Variants in E2F3 observed in about 807,000 individuals in gnomAD.
The protein encoded by E2F3 is transcription factor E2F3.
Under a neutral mutation model 44.4 loss-of-function variants are expected in E2F3, and 11 were observed. The observed-to-expected ratio is 0.25, with a 90% CI of 0.16 to 0.41. The LOEUF (loss-of-function observed/expected upper bound fraction) is 0.41. Among genes scored for constraint, E2F3 ranks in the 10% least tolerant of loss-of-function variants. The pLI, the probability that E2F3 is intolerant of heterozygous loss-of-function variation, is 1.00. For synonymous variants in E2F3, 249 were observed against 253.0 expected, an observed-to-expected ratio of 0.98 and a Z score of 0.15; for missense variants, 487 against 583.6, an observed-to-expected ratio of 0.83 and a Z score of 1.70.
chr6:20,449,367 T>G (rs1222830525), intron 1 of E2F3, among the ~76,000 whole-genome samples: 1 of 152,210 alleles, frequency 6.6e-6, no homozygotes, highest in South Asian at 2.1e-4. Context: ...TTAAATACTT[T>G]TATTTTCCTT....
chr6:20,465,867 G>A (rs926999037), intron 1 of E2F3, among the ~76,000 whole-genome samples: 2 of 152,110 alleles, frequency 1.3e-5, no homozygotes, highest in Non-Finnish European at 2.9e-5. Flanking sequence ...ATTTGGGTTG[G>A]TTCCAATTTT....
chr6:20,443,674 A>G (rs1029676190), intron 1 of E2F3, among the ~76,000 whole-genome samples: 4 of 152,048 alleles, frequency 2.6e-5, no homozygotes, highest in Non-Finnish European at 5.9e-5. Context: ...TAGAGGTAAG[A>G]AAGTCTATCT....
At chr6:20,464,602 GC>G (rs1197880829) in intron 1 of E2F3, among the ~76,000 whole-genome samples, 2 of 152,154 alleles carry the variant, frequency 1.3e-5, no homozygotes, top group Non-Finnish European at 1.5e-5. Context: ...TCTGCTCTAC[GC>G]CCTGTGGCCT....
chr6:20,451,649 GGAATGCTTCCA>G (rs1554138305), intron 1 of E2F3, among the ~76,000 whole-genome samples: 1 of 152,080 alleles, frequency 6.6e-6, no homozygotes, highest in Non-Finnish European at 1.5e-5. Context: ...GTTTTCAAGG[GGAATGCTTCCA>G]GCTTTTGCCC....
At chr6:20,423,573 C>T (rs563434818) in intron 1 of E2F3, among the ~76,000 whole-genome samples, 1 of 151,984 alleles carries the variant, frequency 6.6e-6, no homozygotes, top group Non-Finnish European at 1.5e-5. Context: ...TGGGTTCAAC[C>T]GATTCTCCTG....
At chr6:20,462,977 C>T (rs1362507818) in intron 1 of E2F3, among the ~76,000 whole-genome samples, 1 of 133,180 alleles carries the variant, frequency 7.5e-6, no homozygotes, top group Non-Finnish European at 1.5e-5. Flanking sequence ...CCCCCATTCA[C>T]TCTTTAGTGC....
chr6:20,475,533 T>C (rs2127617478), intron 1 of E2F3, among the ~76,000 whole-genome samples: 1 of 152,316 alleles, frequency 6.6e-6, no homozygotes, highest in East Asian at 1.9e-4. Flanking sequence ...TTTCATTTTT[T>C]GAGACAAGAG....
At chr6:20,449,107 G>A (rs1761043059) in intron 1 of E2F3, among the ~76,000 whole-genome samples, 1 of 152,016 alleles carries the variant, frequency 6.6e-6, no homozygotes, top group South Asian at 2.1e-4. Context: ...TTTGGCTTAG[G>A]GTTGTACTGA....
chr6:20,447,322 A>ATGTG (rs546318899), intron 1 of E2F3, among the ~76,000 whole-genome samples: 9 of 151,180 alleles, frequency 6.0e-5, no homozygotes, highest in South Asian at 4.2e-4. Context: ...TGGGATGTGT[A>ATGTG]TGTGTGTGTG....
At chr6:20,403,671 C>T in intron 1 of E2F3, 1 of 543,986 alleles carries the variant, frequency 1.8e-6, no homozygotes, top group Non-Finnish European at 3.2e-6. Context: ...CTCGCACCCG[C>T]CCCCGGCACC....
intron 1 of E2F3, among the ~76,000 whole-genome samples, chr6:20,442,253 T>C (rs549894117): frequency 1.3e-5 from 2 of 152,298 alleles, no homozygotes; most frequent in East Asian, 1.9e-4. Flanking sequence ...CACAGCGAAG[T>C]ATGCTCGCCC....
intron 1 of E2F3, among the ~76,000 whole-genome samples, chr6:20,412,977 C>A (rs1759724151): frequency 6.6e-6 from 1 of 152,184 alleles, no homozygotes. Flanking sequence ...ACATTATCCA[C>A]ATAACAACCT....
At position 20,444,513 on chromosome 6, in the gene E2F3, C is replaced by T. The variant is rs73732145; in HGVS notation, c.394-35333C>T. Reference sequence around the variant, plus strand: ...ACATCTAGTATCTAATATGATCCCTCGTGGGCCCTCAAGAAATACTAGTCT... The same window carrying T: ...ACATCTAGTATCTAATATGATCCCTTGTGGGCCCTCAAGAAATACTAGTCT... On this transcript the variant is annotated intron_variant, in intron 1 of 6. Transcript: ENST00000346618. 8.3e-3 allele frequency among the ~76,000 whole-genome samples: 1,267 copies of T among 152,178 alleles called. 18 individuals are homozygous for T. The highest frequency in any genetic ancestry group is 0.027 in the African/African-American group (1,113 of 41,516).
chr6:20,460,111 A>G (rs1761449335), intron 1 of E2F3, among the ~76,000 whole-genome samples: 1 of 152,200 alleles, frequency 6.6e-6, no homozygotes, highest in East Asian at 1.9e-4. Context: ...GAGGCTTCCC[A>G]CGACTTGTCT....
intron 1 of E2F3, among the ~76,000 whole-genome samples, chr6:20,446,990 T>C (rs1760966989): frequency 6.6e-6 from 1 of 152,224 alleles, no homozygotes; most frequent in African/African-American, 2.4e-5. Context: ...TTACTGCATC[T>C]TAATAAAGAA....
rs1215193021 is a variant in E2F3 at position 20,492,841 on chromosome 6, C to T, written c.*2411C>T. The T allele has an allele frequency of 4.0e-5, 9 of 222,886 alleles. No homozygotes were observed. The highest frequency in any genetic ancestry group is 6.3e-5 in the Non-Finnish European group (7 of 111,560). The allele number at this position is 222,886 out of a possible 1,614,324, so 13.8% of individuals were successfully genotyped here. ...GTAATTTTCTTTTTGACTTAGTATC[C>T]GGCACACAAAGTGGGTTAGTACTAC... On this transcript the variant is annotated 3_prime_UTR_variant, in exon 7 of 7. Transcript: ENST00000346618.
chr6:20,404,750 G>A (rs1233599389), intron 1 of E2F3, among the ~76,000 whole-genome samples: 13 of 152,206 alleles, frequency 8.5e-5, no homozygotes, highest in Admixed American at 7.9e-4. Flanking sequence ...GGGTCTGCCA[G>A]CAGGGGGGAA....
At chr6:20,405,880 A>G (rs1413295757) in intron 1 of E2F3, among the ~76,000 whole-genome samples, 2 of 152,122 alleles carry the variant, frequency 1.3e-5, no homozygotes, top group African/African-American at 4.8e-5. Context: ...AATGCATACA[A>G]AGTCTTAAGC....
intron 1 of E2F3, among the ~76,000 whole-genome samples, chr6:20,448,637 GT>G (rs1418784387): frequency 6.6e-6 from 1 of 152,186 alleles, no homozygotes; most frequent in Non-Finnish European, 1.5e-5. Context: ...GTATCTAAAG[GT>G]GTTGCCTGAT....
Sources: allele counts gnomAD v4.1 joint callset (sites outside exome capture counted in the v4.1 genomes callset), GRCh38; gene constraint gnomAD v4.1.1; transcripts MANE v1.5; gene names NCBI Gene and HGNC (gene_info 2026-07-23, HGNC 2026-07-21).